Variants in CDT1 observed in about 807,000 individuals in gnomAD.
The protein encoded by CDT1 is chromatin licensing and DNA replication factor 1.
In CDT1, 66 loss-of-function variants were observed where a neutral mutation model predicts 49.3. That is an observed-to-expected ratio of 1.34 (90% CI 1.10 to 1.64). The LOEUF is 1.64. Among genes scored for constraint, CDT1 ranks in the 40% most tolerant of loss-of-function variants. CDT1 has a pLI of 0.00. For missense variants in CDT1, 958 were observed against 807.7 expected (o/e 1.19, Z -2.26); for synonymous variants, 424 against 347.4 (o/e 1.22, Z -2.45).
In CDT1 at chr16:88,804,628, A is replaced by G. The variant is rs1908776784; in HGVS notation, c.312A>G (p.Ala104=). Residue 104 remains alanine, a synonymous_variant, in exon 2 of 10, where the codon GCA becomes GCG. Transcript: ENST00000301019. ...AGAAGATAAAGAAATCCACCCCGGCAGCAGGTCAGCCGCCCCACCTGACAT... is the reference window on the plus strand; with the variant it reads ...AGAAGATAAAGAAATCCACCCCGGCGGCAGGTCAGCCGCCCCACCTGACAT... ...PGQKIKKSTP[A]AGQPPHLTSA... 4.3e-6 allele frequency: 7 copies of G among 1,612,690 alleles called. No homozygotes were observed. The highest frequency in any genetic ancestry group is 5.9e-6 in the Non-Finnish European group (7 of 1,179,832).
In CDT1 at chr16:88,806,530, C is replaced by A. The variant is rs763895797; in HGVS notation, c.978C>A (p.Asp326Glu). The A allele has an allele frequency of 1.2e-6, 2 of 1,610,756 alleles. No homozygotes were observed. The highest frequency in any genetic ancestry group is 4.5e-5 in the East Asian group (2 of 44,804). ...GCCCCGCCATGGTGGTGCCGGAGGA[C>A]CAGCTGACCCGCTGGCACCCGCGCT... The part of the protein sequence containing the change: ...SLSPAMVVPE[D>E]QLTRWHPRFN... The change falls in exon 7 of 10, where the codon GAC becomes GAA. Residue 326 changes from aspartate to glutamate, a missense_variant. Transcript: ENST00000301019.
chr16:88,807,603 G>T, intron 9 of CDT1, 121 bp downstream of exon 9: 1 of 1,020,284 alleles, frequency 9.8e-7, no homozygotes. Flanking sequence ...TGTGCAGTGG[G>T]CGCTGGCCTC....
chr16:88,803,990 G>A lies in CDT1; in HGVS notation c.159G>A (p.Pro53=). The A allele has an allele frequency of 1.4e-6, 2 of 1,445,874 alleles. No homozygotes were observed. The highest frequency in any genetic ancestry group is 1.8e-6 in the Non-Finnish European group (2 of 1,104,576). The allele number at this position is 1,445,874 out of a possible 1,614,324, so 89.6% of individuals were successfully genotyped here. A position where few individuals can be genotyped will look rare whatever the true frequency, so the allele number is the denominator to read the frequency against. Reference sequence around the variant, plus strand: ...GTGGCAGCCGCAAGCGCGCCCGCCCGCCCGCCGCCCCCGGACGCGACCAGG... The same window carrying A: ...GTGGCAGCCGCAAGCGCGCCCGCCCACCCGCCGCCCCCGGACGCGACCAGG... ...ATSGSRKRAR[P]PAAPGRDQAR... Residue 53 remains proline, a synonymous_variant, in exon 1 of 10, where the codon CCG becomes CCA. Coordinates refer to ENST00000301019, the MANE Select transcript of CDT1 (RefSeq NM_030928.4).
At position 88,803,980 on chromosome 16, in the gene CDT1, G is replaced by GCGCCCGCC; in HGVS notation, c.158_165dup (p.Ala56ArgfsTer46). 2 of 1,441,154 alleles carry GCGCCCGCC rather than the reference G, an allele frequency of 1.4e-6. No homozygotes were observed. Among genetic ancestry groups the GCGCCCGCC allele is most frequent in the African/African-American group, 1.5e-5 (1 of 66,888 alleles). The allele number at this position is 1,441,154 out of a possible 1,614,324, so 89.3% of individuals were successfully genotyped here. A position where few individuals can be genotyped will look rare whatever the true frequency, so the allele number is the denominator to read the frequency against. On this transcript the variant is annotated frameshift_variant, in exon 1 of 10. Coordinates refer to ENST00000301019, the MANE Select transcript of CDT1 (RefSeq NM_030928.4). LOFTEE classifies it high-confidence loss of function. ...TCCGCTACCAGTGGCAGCCGCAAGC[G>GCGCCCGCC]CGCCCGCCCGCCCGCCGCCCCCGGA...
At chr16:88,807,619 C>CACACCAG in intron 9 of CDT1, 137 bp downstream of exon 9, 1 of 883,364 alleles carries the variant, frequency 1.1e-6, no homozygotes, top group Non-Finnish European at 1.8e-6. Flanking sequence ...GCCTCTTGCA[C>CACACCAG]TGGTGTGTCC....
rs1908992589 is a variant in CDT1 at position 88,809,072 on chromosome 16, T to A, written c.*794T>A. ...TACGCCCCATGTCATCACAGGGCCT[T>A]CATGACAGGGCCAGAGCCAGCCAGC... On this transcript the variant is annotated 3_prime_UTR_variant, in exon 10 of 10. Transcript: ENST00000301019. 4.4e-6 allele frequency: 1 copy of A among 226,014 alleles called. No homozygotes were observed. The highest frequency in any genetic ancestry group is 2.3e-5 in the African/African-American group (1 of 43,406). The allele number at this position is 226,014 out of a possible 1,614,324, so 14.0% of individuals were successfully genotyped here.
rs780840816 is a variant in CDT1 at position 88,808,192 on chromosome 16, A to G, written c.1555A>G (p.Thr519Ala). The change falls in exon 10 of 10, where the codon ACC (threonine) becomes GCC (alanine). Residue 519 changes from threonine (T) to alanine (A), a missense_variant. Physicochemically the swap from Thr to Ala is moderately conservative, Grantham distance 58. Transcript: ENST00000301019. Reference protein sequence around the residue: ...WLSLHRIRTDTYVKLDKAADL... With the variant: ...WLSLHRIRTDAYVKLDKAADL... ...CAGCCTCCACCGCATCCGCACCGAC[A>G]CCTACGTCAAGCTGGACAAGGCCGC... 6.8e-6 allele frequency: 11 copies of G among 1,612,676 alleles called. No individual in the cohort carries two copies. The South Asian group carries it at 9.9e-5, about 14-fold the overall frequency.
At position 88,808,862 on chromosome 16, in the gene CDT1, G is replaced by C. The variant is rs1467002776; in HGVS notation, c.*584G>C. On this transcript the variant is annotated 3_prime_UTR_variant, in exon 10 of 10. Transcript: ENST00000301019. Reference sequence around the variant, plus strand: ...ATACAAAAAATTAGCCGGGTGTGGTGGTGGGCACCTGTCGTCCCAGCTACT... The same window carrying C: ...ATACAAAAAATTAGCCGGGTGTGGTCGTGGGCACCTGTCGTCCCAGCTACT... 1 of 160,594 alleles carries C rather than the reference G, an allele frequency of 6.2e-6. No individual in the cohort carries two copies. The highest frequency in any genetic ancestry group is 2.4e-5 in the African/African-American group (1 of 41,468). The allele number at this position is 160,594 out of a possible 1,614,324, so 9.9% of individuals were successfully genotyped here.
intron 5 of CDT1, 47 bp from the exon 6 acceptor site, chr16:88,805,974 G>T: frequency 6.3e-7 from 1 of 1,575,904 alleles, no homozygotes; most frequent in Non-Finnish European, 8.6e-7. Flanking sequence ...TCACGGGTGG[G>T]TGGCTGGGTG....
chr16:88,806,055 G>A lies in CDT1; in HGVS notation c.867G>A (p.Ser289=), dbSNP rs1039025354. The A allele has an allele frequency of 8.1e-6, 13 of 1,598,640 alleles. No homozygotes were observed. The highest frequency in any genetic ancestry group is 2.3e-5 in the East Asian group (1 of 44,392). The change falls in exon 6 of 10, where the codon TCG becomes TCA. Residue 289 remains serine (S), a synonymous_variant. Coordinates refer to ENST00000301019, the MANE Select transcript of CDT1 (RefSeq NM_030928.4). ...ADGAAPQLTA[S]RLLQRRQIFS... is the part of the protein sequence containing the mutation. Reference sequence around the variant, plus strand: ...GAGCAGCCCCCCAGCTCACGGCCTCGCGCCTCCTGCAGCGACGGCAGATCT... The same window carrying A: ...GAGCAGCCCCCCAGCTCACGGCCTCACGCCTCCTGCAGCGACGGCAGATCT...
intron 2 of CDT1, 46 bp from the exon 3 acceptor site, chr16:88,804,716 C>T (rs1208397952): frequency 7.4e-6 from 12 of 1,611,958 alleles, no homozygotes; most frequent in Admixed American, 1.7e-5. Flanking sequence ...GTGGTGCCGG[C>T]CTGCCTGCCT....
rs1908790835 is a variant in CDT1 at position 88,804,868 on chromosome 16, C to T, written c.458C>T (p.Pro153Leu). Reference protein sequence around the residue: ...SAQDAGESCTPEAEGRPEEPC... With the variant: ...SAQDAGESCTLEAEGRPEEPC... Reference sequence around the variant, plus strand: ...CAGGATGCTGGGGAGTCCTGCACCCCAGAGGCCGAGGGCCGCCCTGAGGAG... The same window carrying T: ...CAGGATGCTGGGGAGTCCTGCACCCTAGAGGCCGAGGGCCGCCCTGAGGAG... Residue 153 changes from proline to leucine, a missense_variant, in exon 3 of 10, where the codon CCA (proline) becomes CTA (leucine). By Grantham distance (98) the Pro-to-Leu change is moderately conservative. Coordinates refer to ENST00000301019, the MANE Select transcript of CDT1 (RefSeq NM_030928.4). The T allele has an allele frequency of 1.2e-6, 2 of 1,601,846 alleles. No homozygotes were observed. The highest frequency in any genetic ancestry group is 1.7e-6 in the Non-Finnish European group (2 of 1,175,954).
chr16:88,805,392 A>C (rs1567501140), intron 3 of CDT1, 48 bp from the exon 4 acceptor site: 1 of 1,604,708 alleles, frequency 6.2e-7, no homozygotes, highest in Non-Finnish European at 8.5e-7. Flanking sequence ...GTGGCGTTGG[A>C]GGGGTAGGGG....
rs950395463 is a variant in CDT1 at position 88,806,069 on chromosome 16, G to A, written c.881G>A (p.Arg294Gln). 3.1e-6 allele frequency: 5 copies of A among 1,601,630 alleles called. No homozygotes were observed. Among genetic ancestry groups the A allele is most frequent in the Non-Finnish European group, 4.2e-6 (5 of 1,177,724 alleles). The change falls in exon 6 of 10, where the codon CGA becomes CAA. Residue 294 changes from arginine to glutamine, a missense_variant. By Grantham distance (43) the Arg-to-Gln change is conservative. Coordinates refer to ENST00000301019, the MANE Select transcript of CDT1 (RefSeq NM_030928.4). The stretch of plus-strand genomic sequence containing the variant: ...CTCACGGCCTCGCGCCTCCTGCAGC[G>A]ACGGCAGATCTTCAGCCAGAAGCTG... ...PQLTASRLLQ[R>Q]RQIFSQKLVE...
rs957443549 is a variant in CDT1 at position 88,806,792 on chromosome 16, G to C, written c.1122+118G>C. On this transcript the variant is annotated intron_variant, in intron 7 of 9. Coordinates refer to ENST00000301019, the MANE Select transcript of CDT1 (RefSeq NM_030928.4). ...TGACGCCTCATCTGGCTTCCTCCTT[G>C]GCTGGCGGATCCAGAGAGTTGGTGG... The C allele has an allele frequency of 2.9e-6, 4 of 1,358,380 alleles. No homozygotes were observed. In the African/African-American group the frequency reaches 4.3e-5, roughly 15 times the overall value. 84.1% of individuals were successfully genotyped at this position (1,358,380 alleles called of 1,614,324 possible). A position where few individuals can be genotyped will look rare whatever the true frequency, so the allele number is the denominator to read the frequency against.
rs754064981 is a variant in CDT1, at chr16:88,808,178, G to T, written c.1541G>T (p.Arg514Leu). ...CTGCCGGACTGGCTCAGCCTCCACC[G>T]CATCCGCACCGACACCTACGTCAAG... Reference protein sequence around the residue: ...ELLPDWLSLHRIRTDTYVKLD... With the variant: ...ELLPDWLSLHLIRTDTYVKLD... The change falls in exon 10 of 10, where the codon CGC becomes CTC. Residue 514 changes from arginine (R) to leucine (L), a missense_variant. Arg to Leu is a moderately radical substitution (Grantham distance 102). Transcript: ENST00000301019. 1 of 1,612,754 alleles carries T rather than the reference G, an allele frequency of 6.2e-7. No homozygotes were observed. Among genetic ancestry groups the T allele is most frequent in the African/African-American group, 1.3e-5 (1 of 75,060 alleles).
intron 9 of CDT1, 83 bp from the exon 10 acceptor site, chr16:88,808,032 T>A: frequency 6.8e-7 from 1 of 1,477,388 alleles, no homozygotes; most frequent in Middle Eastern, 1.8e-4. Context: ...GCACAGAGGT[T>A]GGGTGGTCAG....
chr16:88,805,915 A>G, intron 5 of CDT1, 46 bp downstream of exon 5: 1 of 1,604,382 alleles, frequency 6.2e-7, no homozygotes, highest in Non-Finnish European at 8.5e-7. Flanking sequence ...TGTGAGCCGC[A>G]CAGTTTCCAG....
rs373683170 is a variant in CDT1 at position 88,808,246 on chromosome 16, G to A, written c.1609G>A (p.Ala537Thr). Residue 537 changes from alanine (A) to threonine (T), a missense_variant, in exon 10 of 10, where the codon GCC (alanine) becomes ACC (threonine). Physicochemically the swap from Ala to Thr is moderately conservative, Grantham distance 58. Transcript: ENST00000301019. ...ADLAHITARL[A>T]HQTRAEEGL ...CCTCGCCCACATCACTGCACGCCTG[G>A]CCCACCAGACACGTGCTGAGGAGGG... The A allele has an allele frequency of 2.5e-5, 40 of 1,602,254 alleles. No individual in the cohort carries two copies. The highest frequency in any genetic ancestry group is 2.3e-4 in the African/African-American group (17 of 74,800).
Sources: gnomAD v4.1 joint callset for allele counts on GRCh38, gnomAD v4.1.1 for gene constraint, MANE v1.5 for transcripts, NCBI Gene and HGNC (gene_info 2026-07-23, HGNC 2026-07-21) for gene names.